Variants in UGT1A9 observed in about 807,000 individuals in gnomAD.
UGT1A9 encodes the protein UDP glucuronosyltransferase family 1 member A9, also known as UDP-glucuronosyltransferase 1A9.
In UGT1A9, 35 loss-of-function variants were observed where a neutral mutation model predicts 45.0. That is an observed-to-expected ratio of 0.78 (90% CI 0.59 to 1.03). The LOEUF is 1.03. Ranked by LOEUF, UGT1A9 falls within the 50% of genes least tolerant of loss-of-function variation. The pLI is 0.00. For missense variants in UGT1A9, 687 were observed against 666.6 expected, an observed-to-expected ratio of 1.03 and a Z score of -0.34; for synonymous variants, 278 against 250.6, an observed-to-expected ratio of 1.11 and a Z score of -1.03.
At chr2:233,765,849 A>G (rs548142757) in intron 1 of UGT1A9, among the ~76,000 whole-genome samples, 8 of 152,220 alleles carry the variant, frequency 5.3e-5, no homozygotes, top group African/African-American at 1.7e-4. Flanking sequence ...TGTCCCCCTC[A>G]CAGAGCATGT....
At chr2:233,717,787 T>C (rs749121467) in intron 1 of UGT1A9, 7 of 456,322 alleles carry the variant, frequency 1.5e-5, no homozygotes, top group Admixed American at 2.3e-5. Context: ...ATTTTGAAAT[T>C]TGAAGTAGTG....
At chr2:233,759,599 A>ACCCCCCCCCCCCCCCC (rs1553620419) in intron 1 of UGT1A9, among the ~76,000 whole-genome samples, 4 of 108,738 alleles carry the variant, frequency 3.7e-5, no homozygotes, top group East Asian at 3.1e-4. Flanking sequence ...CCCACCCCCG[A>ACCCCCCCCCCCCCCCC]CCCGCCCCAC....
At position 233,725,825 on chromosome 2, in the gene UGT1A9, A is replaced by G. The variant is rs185131948; in HGVS notation, c.856-41209A>G. Among the ~76,000 whole-genome samples the G allele has an allele frequency of 6.0e-4, 91 of 152,230 alleles. 1 individual carries two copies. In the South Asian group the frequency reaches 6.4e-3, roughly 11 times the overall value. ...AAAATCCATTTTATTGGATACCAGT[A>G]TTGCTACTCCTATGTTATTTTTTCA... On this transcript the variant is annotated intron_variant, in intron 1 of 4. Transcript: ENST00000354728.
intron 1 of UGT1A9, among the ~76,000 whole-genome samples, chr2:233,714,272 G>A (rs1053935248): frequency 6.6e-6 from 1 of 152,146 alleles, no homozygotes; most frequent in Non-Finnish European, 1.5e-5. Context: ...AATTGTTGAC[G>A]TGACAATTTT....
chr2:233,769,558 G>A lies in UGT1A9; in HGVS notation c.1295+1119G>A. On this transcript the variant is annotated intron_variant, in intron 4 of 4. Coordinates refer to ENST00000354728, the MANE Select transcript of UGT1A9 (RefSeq NM_021027.3). This position sits in a 1 kb window ranked among gnomAD's most constrained non-coding sequence, Gnocchi z 4.4. ...AGAAGCAGCAGTCAGGAAGACAGAT[G>A]TGAAGAGCTGGAGCATGTTCAGATG... 2 of 1,612,872 alleles carry A rather than the reference G, an allele frequency of 1.2e-6. No individual in the cohort carries two copies. The highest frequency in any genetic ancestry group is 1.7e-6 in the Non-Finnish European group (2 of 1,179,832).
chr2:233,757,560 A>ATGTG (rs199649558), intron 1 of UGT1A9, among the ~76,000 whole-genome samples: 1 of 123,156 alleles, frequency 8.1e-6, no homozygotes, highest in African/African-American at 3.4e-5. Context: ...ATATATATAT[A>ATGTG]TGTATATATG....
At chr2:233,693,353 ATTGT>A (rs1559346236) in intron 1 of UGT1A9, 1 of 1,614,132 alleles carries the variant, frequency 6.2e-7, no homozygotes, top group East Asian at 2.2e-5. Context: ...GAATAACATG[ATTGT>A]TATTGGCCTG....
intron 1 of UGT1A9, chr2:233,743,681 C>A: frequency 7.3e-7 from 1 of 1,367,264 alleles, no homozygotes; most frequent in Non-Finnish European, 9.8e-7. Flanking sequence ...GGGCCTGCCG[C>A]CTGTGCAGCC....
intron 1 of UGT1A9, chr2:233,743,913 C>T: frequency 7.3e-7 from 1 of 1,365,508 alleles, no homozygotes; most frequent in South Asian, 1.1e-5. Flanking sequence ...TAGTAGTCCA[C>T]CATGCTGGAT....
chr2:233,673,605 T>C (rs1369916694), intron 1 of UGT1A9, among the ~76,000 whole-genome samples: 2 of 152,216 alleles, frequency 1.3e-5, no homozygotes, highest in Non-Finnish European at 2.9e-5. Context: ...TCACTATTTA[T>C]TCAGATCTTG....
At position 233,755,143 on chromosome 2, in the gene UGT1A9, C is replaced by A. The variant is rs1695780518; in HGVS notation, c.856-11891C>A. On this transcript the variant is annotated intron_variant, in intron 1 of 4. Transcript: ENST00000354728. Reference sequence around the variant, plus strand: ...TCAGCCACCTGCTTGAATCTTCTCACCGCTTCCTCCCTGTCCTCGGGGTTT... The same window carrying A: ...TCAGCCACCTGCTTGAATCTTCTCAACGCTTCCTCCCTGTCCTCGGGGTTT... The A allele has an allele frequency of 1.1e-5, 14 of 1,305,072 alleles. No homozygotes were observed. The South Asian group carries it at 1.6e-4, about 15-fold the overall frequency. 80.8% of individuals were successfully genotyped at this position (1,305,072 alleles called of 1,614,324 possible). A position where few individuals can be genotyped will look rare whatever the true frequency, so the allele number is the denominator to read the frequency against.
intron 1 of UGT1A9, chr2:233,754,648 T>C (rs1008814109): frequency 4.4e-6 from 2 of 451,966 alleles, no homozygotes; most frequent in African/African-American, 2.0e-5. Context: ...CCATTCTCAA[T>C]GATTCTCTTG....
At chr2:233,729,323 A>G in intron 1 of UGT1A9, 2 of 1,614,278 alleles carry the variant, frequency 1.2e-6, no homozygotes, top group Non-Finnish European at 1.7e-6. Context: ...CCAGAGGTGA[A>G]TATGCACATC....
At chr2:233,679,040 A>T (rs1299279940) in intron 1 of UGT1A9, among the ~76,000 whole-genome samples, 1 of 152,202 alleles carries the variant, frequency 6.6e-6, no homozygotes, top group Admixed American at 6.5e-5. Context: ...CTTTCATGAC[A>T]TTCTCTATCC....
At chr2:233,743,679 C>G (rs773832305) in intron 1 of UGT1A9, 3 of 1,367,098 alleles carry the variant, frequency 2.2e-6, no homozygotes, top group African/African-American at 3.0e-5. Context: ...AAGGGCCTGC[C>G]GCCTGTGCAG....
intron 1 of UGT1A9, chr2:233,689,923 C>T (rs945044389): frequency 2.2e-6 from 1 of 456,518 alleles, no homozygotes; most frequent in African/African-American, 2.0e-5. Flanking sequence ...CTGGAATTTC[C>T]TTCGAAAGAA....
intron 1 of UGT1A9, among the ~76,000 whole-genome samples, chr2:233,714,632 T>C (rs994949094): frequency 2.6e-5 from 4 of 152,224 alleles, no homozygotes; most frequent in African/African-American, 7.2e-5. Context: ...ACCACTAAAA[T>C]TAATGTGAAT....
chr2:233,678,381 C>T (rs1038540989), intron 1 of UGT1A9, among the ~76,000 whole-genome samples: 1 of 152,062 alleles, frequency 6.6e-6, no homozygotes, highest in African/African-American at 2.4e-5. Flanking sequence ...ATTGAGTGGG[C>T]TGTGGAGGAG....
chr2:233,713,808 A>G, intron 1 of UGT1A9: 2 of 1,614,048 alleles, frequency 1.2e-6, no homozygotes, highest in Non-Finnish European at 1.7e-6. Flanking sequence ...CATGCCCAAC[A>G]TGGTCTTCAT....
Sources: allele counts gnomAD v4.1 joint callset (sites outside exome capture counted in the v4.1 genomes callset), GRCh38; gene constraint gnomAD v4.1.1; non-coding constraint Gnocchi (gnomAD v3.1); transcripts MANE v1.5; gene names NCBI Gene and HGNC (gene_info 2026-07-23, HGNC 2026-07-21).